The following CWC22 variants were observed in gnomAD, a reference collection of about 807,000 sequenced individuals.
CWC22 encodes pre-mRNA-splicing factor CWC22 homolog.
A neutral mutation model predicts 117.2 loss-of-function variants in CWC22; 53 were observed. The observed-to-expected ratio is 0.45, with a 90% confidence interval of 0.36 to 0.57. The LOEUF (loss-of-function observed/expected upper bound fraction) is 0.57. Among genes scored for constraint, CWC22 ranks in the 20% least tolerant of loss-of-function variants. The pLI is 0.00. For missense variants in CWC22, 980 were observed against 1,068.8 expected, an observed-to-expected ratio of 0.92 and a Z score of 1.16; for synonymous variants, 360 against 355.6, an observed-to-expected ratio of 1.01 and a Z score of -0.14.
At chr2:180,006,473 C>A (rs1687977671) in intron 1 of CWC22, among the ~76,000 whole-genome samples, 1 of 152,116 alleles carries the variant, frequency 6.6e-6, no homozygotes, top group Non-Finnish European at 1.5e-5. Context: ...ATGAAGCGGG[C>A]ACATGAGAAG....
At chr2:179,988,034 T>C (rs990451224) in intron 3 of CWC22, among the ~76,000 whole-genome samples, 1 of 152,046 alleles carries the variant, frequency 6.6e-6, no homozygotes, top group Non-Finnish European at 1.5e-5. Flanking sequence ...ACAGCCTAGA[T>C]CCCTCACATG....
chr2:179,990,734 G>A (rs938229594), intron 2 of CWC22, among the ~76,000 whole-genome samples: 4 of 152,162 alleles, frequency 2.6e-5, no homozygotes, highest in South Asian at 2.1e-4. Context: ...ACACATCTCC[G>A]CAACATCTGT....
chr2:179,956,134 A>G (rs1293328973), intron 14 of CWC22, among the ~76,000 whole-genome samples: 1 of 151,830 alleles, frequency 6.6e-6, no homozygotes, highest in Non-Finnish European at 1.5e-5. Context: ...TAAAAATAGT[A>G]AATATTTTAA....
At chr2:179,950,753 T>G in intron 18 of CWC22, 21 bp from the exon 19 acceptor site, 1 of 1,598,210 alleles carries the variant, frequency 6.3e-7, no homozygotes, top group African/African-American at 1.3e-5. Context: ...ATATAATCTG[T>G]TAGATTCTAT....
intron 13 of CWC22, among the ~76,000 whole-genome samples, chr2:179,959,457 AATG>A (rs1374792972): frequency 6.6e-6 from 1 of 152,320 alleles, no homozygotes; most frequent in Admixed American, 6.5e-5. Flanking sequence ...GGAATTAGAC[AATG>A]ATGATGGTTG....
intron 4 of CWC22, among the ~76,000 whole-genome samples, chr2:179,982,699 AC>A (rs1277912875): frequency 6.6e-6 from 1 of 152,198 alleles, no homozygotes; most frequent in African/African-American, 2.4e-5. Flanking sequence ...TGTCTTCCCT[AC>A]TAACGTACCT....
chr2:179,962,331 T>C (rs1176231578), intron 13 of CWC22, among the ~76,000 whole-genome samples: 1 of 152,150 alleles, frequency 6.6e-6, no homozygotes, highest in African/African-American at 2.4e-5. Flanking sequence ...CTGTTTAAGA[T>C]GCCCTCATAG....
chr2:179,957,779 C>T (rs1686634856), intron 14 of CWC22, among the ~76,000 whole-genome samples: 1 of 151,848 alleles, frequency 6.6e-6, no homozygotes, highest in East Asian at 1.9e-4. Context: ...AAAGCTATGG[C>T]TCAGTTTTTT....
intron 8 of CWC22, among the ~76,000 whole-genome samples, 173 bp from the exon 9 acceptor site, chr2:179,971,249 A>G (rs1687024919): frequency 6.6e-6 from 1 of 152,146 alleles, no homozygotes; most frequent in African/African-American, 2.4e-5. Flanking sequence ...CAATTTTTCT[A>G]TCACTTTTAT....
intron 1 of CWC22, among the ~76,000 whole-genome samples, chr2:179,997,085 A>C (rs917100128): frequency 1.3e-5 from 2 of 152,154 alleles, no homozygotes; most frequent in Non-Finnish European, 2.9e-5. Flanking sequence ...AATACAAGAT[A>C]CTGTTTTATT....
At chr2:179,973,824 A>C (rs753996342) in intron 6 of CWC22, 22 bp from the exon 7 acceptor site, 34 of 1,458,130 alleles carry the variant, frequency 2.3e-5, no homozygotes, top group Middle Eastern at 1.8e-4. Flanking sequence ...AGAATTTAAA[A>C]AGGAGTCAAC....
intron 4 of CWC22, among the ~76,000 whole-genome samples, chr2:179,983,761 C>A (rs3845702): frequency 0.83 from 125,700 of 151,952 alleles, 52,067 homozygotes; most frequent in South Asian, 0.85. Context: ...TTTCAAATAT[C>A]AACCTCAATT....
chr2:179,983,985 CA>C (rs2105544021), intron 4 of CWC22, among the ~76,000 whole-genome samples: 1 of 152,186 alleles, frequency 6.6e-6, no homozygotes, highest in African/African-American at 2.4e-5. Context: ...GCAGAAGTAA[CA>C]AAATATTCTA....
At chr2:179,998,846 T>C (rs186879901) in intron 1 of CWC22, among the ~76,000 whole-genome samples, 26 of 152,140 alleles carry the variant, frequency 1.7e-4, no homozygotes, top group African/African-American at 5.8e-4. Context: ...AGATTTAGCG[T>C]TTTCCTTTGC....
At chr2:179,979,230 CAT>C (rs1364553930) in intron 5 of CWC22, among the ~76,000 whole-genome samples, 2 of 152,044 alleles carry the variant, frequency 1.3e-5, no homozygotes, top group East Asian at 3.9e-4. Context: ...GTTTTTGAAA[CAT>C]GAGAAGAACA....
chr2:179,978,053 C>T (rs1179617305), intron 6 of CWC22, 137 bp downstream of exon 6: 1 of 1,086,318 alleles, frequency 9.2e-7, no homozygotes. Context: ...TTTTATAAGT[C>T]CTGCATTTTA....
intron 16 of CWC22, 60 bp from the exon 17 acceptor site, chr2:179,952,658 G>T: frequency 2.1e-6 from 2 of 935,974 alleles, no homozygotes; most frequent in South Asian, 2.7e-5. Context: ...AGGACATAGT[G>T]ACCAATATTT....
chr2:179,995,432 A>G (rs1350499692), intron 1 of CWC22, among the ~76,000 whole-genome samples: 2 of 152,212 alleles, frequency 1.3e-5, no homozygotes, highest in Non-Finnish European at 2.9e-5. Flanking sequence ...ATCAAAAGTC[A>G]AATAAAAAAC....
intron 14 of CWC22, 39 bp from the exon 15 acceptor site, chr2:179,955,073 A>G (rs1406792861): frequency 7.5e-7 from 1 of 1,333,550 alleles, no homozygotes; most frequent in African/African-American, 1.4e-5. Flanking sequence ...TTCAAAACAC[A>G]AAGAGACTAA....
Sources: allele counts gnomAD v4.1 joint callset (sites outside exome capture counted in the v4.1 genomes callset), GRCh38; gene constraint gnomAD v4.1.1; transcripts MANE v1.5; gene names NCBI Gene and HGNC (gene_info 2026-07-23, HGNC 2026-07-21).